Variants in RYR3 observed in about 807,000 individuals in gnomAD.
The protein encoded by RYR3 is ryanodine receptor 3.
RYR3 carries 207 observed loss-of-function variants against 584.3 expected under a neutral mutation model. The observed-to-expected ratio is 0.35, with a 90% CI of 0.32 to 0.40. The LOEUF (loss-of-function observed/expected upper bound fraction) is 0.40, where lower values mean the gene tolerates loss of function less well. RYR3 is among the 10% of genes least tolerant of loss of function. The probability of loss-of-function intolerance (pLI) is 1.00; values close to 1 mark genes in which losing one functional copy is unlikely to be tolerated. For synonymous variants in RYR3, 2,416 were observed against 2,248.5 expected, an observed-to-expected ratio of 1.07 and a Z score of -2.11; for missense variants, 5,616 against 6,089.2, an observed-to-expected ratio of 0.92 and a Z score of 2.59.
chr15:33,533,965 GT>G (rs2055103955), intron 5 of RYR3, among the ~76,000 whole-genome samples: 1 of 152,090 alleles, frequency 6.6e-6, no homozygotes, highest in African/African-American at 2.4e-5. Flanking sequence ...AGTATAAACT[GT>G]TTTTGCTTGC....
At chr15:33,383,128 T>C (rs2041319812) in intron 1 of RYR3, among the ~76,000 whole-genome samples, 1 of 151,662 alleles carries the variant, frequency 6.6e-6, no homozygotes, top group Non-Finnish European at 1.5e-5. Context: ...TGTTGGAGAC[T>C]GTTGCAGGGA....
At chr15:33,826,385 A>AACAT in intron 83 of RYR3, 116 bp downstream of exon 83, 1 of 1,066,484 alleles carries the variant, frequency 9.4e-7, no homozygotes, top group Non-Finnish European at 1.5e-6. Flanking sequence ...AGTTGAACTC[A>AACAT]GCAGTTTGGT....
At chr15:33,546,300 C>T (rs922804706) in intron 8 of RYR3, among the ~76,000 whole-genome samples, 1 of 152,132 alleles carries the variant, frequency 6.6e-6, no homozygotes, top group African/African-American at 2.4e-5. Flanking sequence ...TTTCAGCTTG[C>T]ACTAGAGAAA....
rs1239925075 is a variant in RYR3, at chr15:33,782,601, T to C, written c.9268+2260T>C. 1.1e-4 allele frequency among the ~76,000 whole-genome samples: 16 copies of C among 152,214 alleles called. No homozygotes were observed. In the East Asian group the frequency reaches 1.9e-3, roughly 18 times the overall value. The stretch of plus-strand genomic sequence containing the variant: ...GTTGGCTTAATGAGCTGTAAGAAGG[T>C]AGACTTCATTCATTACAAAGTGGGT... On this transcript the variant is annotated intron_variant, in intron 65 of 103. Transcript: ENST00000634891.
At chr15:33,386,697 A>G (rs1438080063) in intron 1 of RYR3, among the ~76,000 whole-genome samples, 1 of 152,098 alleles carries the variant, frequency 6.6e-6, no homozygotes, top group Non-Finnish European at 1.5e-5. Flanking sequence ...CCCTTCCCTC[A>G]GCTTCTGGCA....
intron 3 of RYR3, among the ~76,000 whole-genome samples, chr15:33,510,330 T>C (rs143683681): frequency 2.4e-4 from 37 of 152,328 alleles, no homozygotes; most frequent in Non-Finnish European, 3.1e-4. Context: ...AGGTCTGTAA[T>C]GGTTGCAGTG....
chr15:33,570,086 T>A (rs543495343), intron 12 of RYR3, among the ~76,000 whole-genome samples: 4 of 152,244 alleles, frequency 2.6e-5, no homozygotes, highest in African/African-American at 9.6e-5. Flanking sequence ...AATTTTTGAT[T>A]AAGTTCAGTT....
chr15:33,517,631 G>A (rs574262594), intron 3 of RYR3, among the ~76,000 whole-genome samples: 6 of 152,230 alleles, frequency 3.9e-5, no homozygotes, highest in Non-Finnish European at 5.9e-5. Flanking sequence ...ATATCTTTGC[G>A]CAAACCCCTG....
intron 1 of RYR3, among the ~76,000 whole-genome samples, chr15:33,353,383 G>C (rs991865471): frequency 9.2e-5 from 14 of 152,204 alleles, no homozygotes; most frequent in Non-Finnish European, 1.3e-4. Flanking sequence ...AAACATGTTA[G>C]GGAGTGATCA....
intron 1 of RYR3, among the ~76,000 whole-genome samples, chr15:33,313,614 C>T (rs1312742858): frequency 6.6e-6 from 1 of 152,124 alleles, no homozygotes; most frequent in Non-Finnish European, 1.5e-5. Context: ...ACTCAGTTAC[C>T]TTTGCCTTAG....
intron 31 of RYR3, among the ~76,000 whole-genome samples, chr15:33,649,448 C>T (rs1198543041): frequency 3.3e-5 from 5 of 152,188 alleles, no homozygotes; most frequent in Non-Finnish European, 5.9e-5. Context: ...GTGTATAAAT[C>T]GTGACCCAGA....
chr15:33,537,973 T>TTTTTC (rs148519186), intron 5 of RYR3, among the ~76,000 whole-genome samples: 3,374 of 152,104 alleles, frequency 0.022, 47 homozygotes, highest in Non-Finnish European at 0.034. Context: ...TCCCACCACC[T>TTTTTC]TTTTCTTTTC....
intron 91 of RYR3, 36 bp from the exon 92 acceptor site, chr15:33,843,452 A>C (rs1419245594): frequency 2.1e-6 from 3 of 1,456,014 alleles, no homozygotes; most frequent in Non-Finnish European, 2.8e-6. Context: ...TTTCCTTCCA[A>C]AGCTCTTCTA....
intron 43 of RYR3, among the ~76,000 whole-genome samples, chr15:33,708,569 C>T (rs1374941604): frequency 6.6e-6 from 1 of 152,140 alleles, no homozygotes; most frequent in Non-Finnish European, 1.5e-5. Context: ...ATATTTTCTG[C>T]ACTACAATTC....
chr15:33,416,980 GT>G (rs2043860567), intron 1 of RYR3, among the ~76,000 whole-genome samples: 1 of 152,076 alleles, frequency 6.6e-6, no homozygotes, highest in African/African-American at 2.4e-5. Flanking sequence ...TGTTGACTTT[GT>G]TGAAGATTGG....
intron 1 of RYR3, among the ~76,000 whole-genome samples, chr15:33,458,429 T>C (rs2047741346): frequency 6.6e-6 from 1 of 152,232 alleles, no homozygotes; most frequent in Non-Finnish European, 1.5e-5. Context: ...TCACCAGCTT[T>C]CCTGGTTCTC....
At chr15:33,549,532 C>A (rs1297085551) in intron 9 of RYR3, among the ~76,000 whole-genome samples, 1 of 152,192 alleles carries the variant, frequency 6.6e-6, no homozygotes, top group Admixed American at 6.5e-5. Context: ...CTTACCATAA[C>A]TTTTGCTGAG....
At chr15:33,431,959 A>G (rs1487501289) in intron 1 of RYR3, among the ~76,000 whole-genome samples, 2 of 152,214 alleles carry the variant, frequency 1.3e-5, no homozygotes, top group East Asian at 3.8e-4. Flanking sequence ...AACATATTTC[A>G]GATAAGAAAC....
chr15:33,582,724 C>T (rs1053113367), intron 14 of RYR3, among the ~76,000 whole-genome samples: 10 of 152,122 alleles, frequency 6.6e-5, no homozygotes, highest in African/African-American at 2.4e-4. Context: ...AGTCTAACTC[C>T]AGGACTCTTA....
Sources: gnomAD v4.1 joint callset for allele counts (sites outside exome capture counted in the v4.1 genomes callset) on GRCh38, gnomAD v4.1.1 for gene constraint, MANE v1.5 for transcripts, NCBI Gene and HGNC (gene_info 2026-07-23, HGNC 2026-07-21) for gene names.